The following SULF2 variants were observed in gnomAD, a reference collection of about 807,000 sequenced individuals.
SULF2 encodes sulfatase 2.
A neutral mutation model predicts 107.7 loss-of-function variants in SULF2; 52 were observed. The observed-to-expected ratio is 0.48, with a 90% CI of 0.39 to 0.61. SULF2 has a LOEUF of 0.61. Ranked by LOEUF, SULF2 falls within the 20% of genes least tolerant of loss-of-function variation. SULF2 has a pLI of 0.00. For missense variants in SULF2, 993 were observed against 1,177.3 expected (o/e 0.84, Z 2.29); for synonymous variants, 460 against 464.3 (o/e 0.99, Z 0.12).
chr20:47,718,910 T>C (rs1376657359), intron 3 of SULF2, among the ~76,000 whole-genome samples: 1 of 152,230 alleles, frequency 6.6e-6, no homozygotes, highest in Admixed American at 6.5e-5. Context: ...TGGCACTTAA[T>C]GCCATGGAAT....
intron 4 of SULF2, among the ~76,000 whole-genome samples, chr20:47,701,476 A>G (rs553144352): frequency 6.6e-6 from 1 of 152,264 alleles, no homozygotes; most frequent in African/African-American, 2.4e-5. Flanking sequence ...AAACAGAAAA[A>G]ACTACGACTG....
intron 5 of SULF2, among the ~76,000 whole-genome samples, chr20:47,687,519 C>T (rs1326406477): frequency 6.6e-6 from 1 of 152,188 alleles, no homozygotes; most frequent in Non-Finnish European, 1.5e-5. Context: ...TCAGCAGCAG[C>T]CCCAACATCC....
chr20:47,690,166 G>A lies in SULF2; in HGVS notation c.697C>T (p.Pro233Ser), dbSNP rs2088147305. The A allele has an allele frequency of 1.3e-6, 2 of 1,546,868 alleles. No individual in the cohort carries two copies. The highest frequency in any genetic ancestry group is 1.9e-5 in the Admixed American group (1 of 53,504). ...TTTGGGAAGAGGCGTGAATATTGTG[G>A]GGCTGAATCCTCAGGGCCGTGGGGG... ...AAPHGPEDSA[P>S]QYSRLFPNAS... Residue 233 changes from proline to serine, a missense_variant, in exon 5 of 21, where the codon CCA (proline) becomes TCA (serine). Physicochemically the swap from Pro to Ser is moderately conservative, Grantham distance 74. This residue lies in a region of SULF2 where 388 missense variants were observed against 449.2 expected (regional missense o/e 0.86). Transcript: ENST00000688720.
At chr20:47,764,858 G>A (rs1250381802) in intron 1 of SULF2, among the ~76,000 whole-genome samples, 1 of 152,182 alleles carries the variant, frequency 6.6e-6, no homozygotes, top group Non-Finnish European at 1.5e-5. Flanking sequence ...CAGGGGCCCT[G>A]CACAATTCTA....
At chr20:47,718,397 A>G (rs2089188663) in intron 3 of SULF2, among the ~76,000 whole-genome samples, 1 of 152,138 alleles carries the variant, frequency 6.6e-6, no homozygotes, top group African/African-American at 2.4e-5. Flanking sequence ...TTAAAGGAGG[A>G]CTCCTGTGTG....
At chr20:47,753,098 C>CTAAAAAAAAA (rs2090196245) in intron 2 of SULF2, among the ~76,000 whole-genome samples, 1 of 90,686 alleles carries the variant, frequency 1.1e-5, no homozygotes, top group African/African-American at 4.6e-5. Flanking sequence ...GAGACTCTCT[C>CTAAAAAAAAA]AAAAAAAAAA....
chr20:47,703,323 C>T (rs1423786112), intron 3 of SULF2, among the ~76,000 whole-genome samples: 2 of 152,216 alleles, frequency 1.3e-5, no homozygotes, highest in African/African-American at 2.4e-5. Flanking sequence ...CTACAGATGA[C>T]AAAGCTACAG....
chr20:47,681,340 G>C (rs754043234), intron 7 of SULF2, among the ~76,000 whole-genome samples: 1 of 152,110 alleles, frequency 6.6e-6, no homozygotes, highest in Non-Finnish European at 1.5e-5. Context: ...GACAGATACC[G>C]TGTGTCTTTG....
intron 4 of SULF2, among the ~76,000 whole-genome samples, chr20:47,691,546 G>A (rs998549203): frequency 6.6e-6 from 1 of 152,202 alleles, no homozygotes; most frequent in South Asian, 2.1e-4. Context: ...GATTCTAATG[G>A]GTACTCAGGA....
At chr20:47,696,505 A>G (rs1230115831) in intron 4 of SULF2, among the ~76,000 whole-genome samples, 3 of 151,922 alleles carry the variant, frequency 2.0e-5, no homozygotes, top group African/African-American at 7.3e-5. Context: ...ATCTTTTTAT[A>G]TTATTAATCA....
At position 47,680,675 on chromosome 20, in the gene SULF2, C is replaced by T. The variant is rs890240174; in HGVS notation, c.1065-1871G>A. Among the ~76,000 whole-genome samples the T allele has an allele frequency of 6.6e-6, 1 of 152,220 alleles. No homozygotes were observed. The highest frequency in any genetic ancestry group is 1.5e-5 in the Non-Finnish European group (1 of 68,040). On this transcript the variant is annotated intron_variant, in intron 7 of 20. Coordinates refer to ENST00000688720, the MANE Select transcript of SULF2 (RefSeq NM_001387048.1). The surrounding 1 kb of genome is among the most constrained non-coding windows in gnomAD (Gnocchi z 4.2). ...GAAGATGGGGCTGTGTCATGGGGGG[C>T]TCGAAGGCCAGCGTGAGGCGCTACA... is the stretch of plus-strand genomic sequence containing the variant.
intron 3 of SULF2, among the ~76,000 whole-genome samples, chr20:47,714,481 C>T (rs6018656): frequency 0.26 from 38,770 of 151,972 alleles, 5,008 homozygotes; most frequent in East Asian, 0.3. Context: ...TCCCATCATC[C>T]GCCTGTCACC....
At chr20:47,756,078 G>T (rs1454946166) in intron 2 of SULF2, among the ~76,000 whole-genome samples, 1 of 152,176 alleles carries the variant, frequency 6.6e-6, no homozygotes, top group Non-Finnish European at 1.5e-5. Flanking sequence ...ATGAACAAAC[G>T]TGCAGGGCAT....
intron 2 of SULF2, among the ~76,000 whole-genome samples, chr20:47,744,286 G>A (rs974902634): frequency 2.0e-5 from 3 of 152,056 alleles, no homozygotes; most frequent in South Asian, 2.1e-4. Context: ...GGGTTCAAGC[G>A]ATTCTCCTGC....
chr20:47,670,559 G>A lies in SULF2; in HGVS notation c.1576+1639C>T, dbSNP rs182276426. On this transcript the variant is annotated intron_variant, in intron 11 of 20. Transcript: ENST00000688720. Reference sequence around the variant, plus strand: ...GAGAACATTATGCGAAGAGAAATAAGCCAGCCACAGAAGGACAAATACTGT... The same window carrying A: ...GAGAACATTATGCGAAGAGAAATAAACCAGCCACAGAAGGACAAATACTGT... Among the ~76,000 whole-genome samples the A allele has an allele frequency of 9.1e-4, 135 of 147,964 alleles. 2 individuals are homozygous for A. The highest frequency in any genetic ancestry group is 3.0e-3 in the African/African-American group (119 of 39,768).
At chr20:47,782,114 A>G (rs1178889766) in intron 1 of SULF2, among the ~76,000 whole-genome samples, 1 of 152,104 alleles carries the variant, frequency 6.6e-6, no homozygotes, top group Non-Finnish European at 1.5e-5. Flanking sequence ...TCTTCTAGGC[A>G]AGTACCCCTA....
chr20:47,677,046 C>T (rs775844045), intron 9 of SULF2, 32 bp downstream of exon 9: 4 of 1,608,944 alleles, frequency 2.5e-6, no homozygotes, highest in Non-Finnish European at 3.4e-6. Context: ...GGGAGGTGGG[C>T]AGGGGTGTCC....
intron 3 of SULF2, among the ~76,000 whole-genome samples, chr20:47,712,356 C>T (rs2088961298): frequency 6.6e-6 from 1 of 152,250 alleles, no homozygotes; most frequent in Non-Finnish European, 1.5e-5. Flanking sequence ...CCTGGGACGC[C>T]TGCCTCCTCC....
At chr20:47,693,484 C>G (rs2088272629) in intron 4 of SULF2, among the ~76,000 whole-genome samples, 1 of 152,244 alleles carries the variant, frequency 6.6e-6, no homozygotes, top group Non-Finnish European at 1.5e-5. Flanking sequence ...TACCATTAAC[C>G]TCCATTCCTA....
Sources: gnomAD v4.1 joint callset for allele counts (sites outside exome capture counted in the v4.1 genomes callset) on GRCh38, gnomAD v4.1.1 for gene constraint, gnomAD v4.1.1 regional missense constraint, Gnocchi (gnomAD v3.1) non-coding constraint, MANE v1.5 for transcripts, NCBI Gene and HGNC (gene_info 2026-07-23, HGNC 2026-07-21) for gene names.